The following FBXW7 variants were observed in gnomAD, a reference collection of about 807,000 sequenced individuals.
The protein encoded by FBXW7 is F-box/WD repeat-containing protein 7.
A neutral mutation model predicts 86.3 loss-of-function variants in FBXW7; 11 were observed. The observed-to-expected ratio is 0.13, with a 90% CI of 0.08 to 0.21. The LOEUF is 0.21. FBXW7 is among the 10% of genes least tolerant of loss of function. FBXW7 has a pLI of 1.00. For missense variants in FBXW7, 488 were observed against 847.4 expected, an observed-to-expected ratio of 0.58 and a Z score of 5.27; for synonymous variants, 313 against 297.9, an observed-to-expected ratio of 1.05 and a Z score of -0.52.
chr4:152,412,529 C>A lies in FBXW7; in HGVS notation c.-119G>T, dbSNP rs892779723. 6.6e-6 allele frequency: 1 copy of A among 151,428 alleles called. No individual in the cohort carries two copies. The highest frequency in any genetic ancestry group is 1.5e-5 in the Non-Finnish European group (1 of 67,844). The allele number at this position is 151,428 out of a possible 1,614,324, so 9.4% of individuals were successfully genotyped here. A position where few individuals can be genotyped will look rare whatever the true frequency, so the allele number is the denominator to read the frequency against. The stretch of plus-strand genomic sequence containing the variant: ...TGGCAATCTATCCTAAGGAAGTAAT[C>A]CTAAAACAGAAAAAAAAAATTTATA... On this transcript the variant is annotated splice_region_variant and 5_prime_UTR_variant, in exon 3 of 14. Transcript: ENST00000281708.
chr4:152,326,929 A>G (rs1729086181), intron 11 of FBXW7, among the ~76,000 whole-genome samples: 1 of 152,128 alleles, frequency 6.6e-6, no homozygotes, highest in Non-Finnish European at 1.5e-5. Flanking sequence ...AGAGATAAAG[A>G]TTTTAAAAGA....
chr4:152,365,172 A>G (rs184655340), intron 4 of FBXW7, among the ~76,000 whole-genome samples: 1 of 152,236 alleles, frequency 6.6e-6, no homozygotes, highest in East Asian at 1.9e-4. Flanking sequence ...GGGAGGGATA[A>G]CCACCTATAG....
chr4:152,408,565 G>A (rs1330088270), intron 4 of FBXW7, among the ~76,000 whole-genome samples: 1 of 152,110 alleles, frequency 6.6e-6, no homozygotes, highest in Non-Finnish European at 1.5e-5. Flanking sequence ...CTTCAATAAT[G>A]TTTTGTTAAG....
intron 2 of FBXW7, among the ~76,000 whole-genome samples, chr4:152,473,220 C>G (rs989657541): frequency 6.6e-6 from 1 of 152,104 alleles, no homozygotes; most frequent in East Asian, 1.9e-4. Flanking sequence ...CCAGGCTGGG[C>G]GACAGAGCAA....
chr4:152,349,413 T>C (rs1474642589), intron 5 of FBXW7, among the ~76,000 whole-genome samples: 1 of 151,918 alleles, frequency 6.6e-6, no homozygotes, highest in East Asian at 1.9e-4. Context: ...GCAATAGACA[T>C]TGTGCTTAAG....
At chr4:152,457,359 T>C (rs1488393160) in intron 2 of FBXW7, among the ~76,000 whole-genome samples, 4 of 152,148 alleles carry the variant, frequency 2.6e-5, no homozygotes, top group Non-Finnish European at 5.9e-5. Context: ...TAGAACTCAA[T>C]AGGCCGGGTG....
intron 2 of FBXW7, among the ~76,000 whole-genome samples, chr4:152,510,172 T>C (rs1450042572): frequency 1.3e-5 from 2 of 152,176 alleles, no homozygotes; most frequent in South Asian, 2.1e-4. Context: ...TTACAACACA[T>C]CTCACCATTT....
intron 2 of FBXW7, among the ~76,000 whole-genome samples, chr4:152,505,057 T>C: frequency 6.6e-6 from 1 of 152,354 alleles, no homozygotes; most frequent in East Asian, 1.9e-4. Context: ...CTCCATGGTA[T>C]AAACTATTGC....
intron 2 of FBXW7, among the ~76,000 whole-genome samples, chr4:152,527,901 CATAT>C (rs58496613): frequency 3.4e-5 from 5 of 149,188 alleles, no homozygotes; most frequent in African/African-American, 9.9e-5. Context: ...CACACACACA[CATAT>C]ATATACACAC....
intron 2 of FBXW7, among the ~76,000 whole-genome samples, chr4:152,425,660 G>T (rs989024917): frequency 6.7e-6 from 1 of 150,044 alleles, no homozygotes; most frequent in African/African-American, 2.4e-5. Flanking sequence ...AAAAAAAAAA[G>T]AAATCCATAT....
At position 152,322,889 on chromosome 4, in the gene FBXW7, T is replaced by C. The variant is rs2126457655; in HGVS notation, c.2116A>G (p.Met706Val). Residue 706 changes from methionine (M) to valine (V), a missense_variant, in exon 14 of 14, where the codon ATG (methionine) becomes GTG (valine). Met to Val is a conservative substitution (Grantham distance 21). This residue lies in a region of FBXW7 where 142 missense variants were observed against 406.6 expected (regional missense o/e 0.35). Coordinates refer to ENST00000281708, the MANE Select transcript of FBXW7 (RefSeq NM_001349798.2). Reference protein sequence around the residue: ...KLLVLDFDVDMK With the variant: ...KLLVLDFDVDVK Reference sequence around the variant, plus strand: ...TTCATCTTTTCTGCTCTTCACTTCATGTCCACATCAAAGTCCAGCACCAGC... The same window carrying C: ...TTCATCTTTTCTGCTCTTCACTTCACGTCCACATCAAAGTCCAGCACCAGC... The C allele has an allele frequency of 6.2e-7, 1 of 1,613,680 alleles. No individual in the cohort carries two copies.
intron 7 of FBXW7, 108 bp from the exon 8 acceptor site, chr4:152,332,827 C>T (rs1729689967): frequency 2.1e-6 from 1 of 484,120 alleles, no homozygotes; most frequent in Admixed American, 5.7e-5. Flanking sequence ...TATAATTCTG[C>T]ACTCTGATTT....
chr4:152,435,431 T>C (rs1279709462), intron 2 of FBXW7, among the ~76,000 whole-genome samples: 4 of 152,214 alleles, frequency 2.6e-5, no homozygotes, highest in African/African-American at 4.8e-5. Flanking sequence ...GTTTCTCTCA[T>C]TGCTTTGTAT....
intron 2 of FBXW7, among the ~76,000 whole-genome samples, chr4:152,433,602 C>A (rs1306125941): frequency 6.6e-6 from 1 of 152,038 alleles, no homozygotes; most frequent in Non-Finnish European, 1.5e-5. Context: ...GATTGTTTGC[C>A]CTTTCTCAGA....
chr4:152,345,490 C>A (rs577361992), intron 6 of FBXW7, among the ~76,000 whole-genome samples: 9 of 152,190 alleles, frequency 5.9e-5, no homozygotes, highest in African/African-American at 2.2e-4. Flanking sequence ...CTGGATAATT[C>A]TTTGGCATGG....
intron 2 of FBXW7, among the ~76,000 whole-genome samples, chr4:152,511,292 G>GCCCCCCCC (rs371477693): frequency 1.1e-5 from 1 of 88,622 alleles, no homozygotes; most frequent in Non-Finnish European, 2.4e-5. Flanking sequence ...ACAGCCCCCC[G>GCCCCCCCC]CCCCCCCCAC....
intron 2 of FBXW7, among the ~76,000 whole-genome samples, chr4:152,440,963 C>G (rs139345104): frequency 2.0e-5 from 3 of 151,402 alleles, no homozygotes; most frequent in African/African-American, 4.8e-5. Flanking sequence ...GTTCACTAAG[C>G]GTCATGTCTC....
At chr4:152,326,890 T>C (rs927856653) in intron 11 of FBXW7, among the ~76,000 whole-genome samples, 1 of 152,102 alleles carries the variant, frequency 6.6e-6, no homozygotes, top group Non-Finnish European at 1.5e-5. Flanking sequence ...ATTAGATTTA[T>C]AAATATGCAA....
chr4:152,389,175 G>A (rs1735788375), intron 4 of FBXW7, among the ~76,000 whole-genome samples: 1 of 151,956 alleles, frequency 6.6e-6, no homozygotes, highest in Non-Finnish European at 1.5e-5. Flanking sequence ...ATGCTTATAC[G>A]GTGTTGGTGG....
Sources: allele counts gnomAD v4.1 joint callset (sites outside exome capture counted in the v4.1 genomes callset), GRCh38; gene constraint gnomAD v4.1.1; regional missense constraint gnomAD v4.1.1; transcripts MANE v1.5; gene names NCBI Gene and HGNC (gene_info 2026-07-23, HGNC 2026-07-21).